Variants in SERPINB7 observed in about 807,000 individuals in gnomAD.
SERPINB7 encodes the protein serpin B7.
A neutral mutation model predicts 37.4 loss-of-function variants in SERPINB7; 31 were observed. That is an observed-to-expected ratio of 0.83 (90% confidence interval 0.62 to 1.12). The LOEUF is 1.12. Among genes scored for constraint, SERPINB7 ranks in the 50% most tolerant of loss-of-function variants. SERPINB7 has a pLI of 0.00. For missense variants in SERPINB7, 521 were observed against 455.3 expected (o/e 1.14, Z -1.31); for synonymous variants, 163 against 166.1 (o/e 0.98, Z 0.14).
At chr18:63,772,721 G>GA (rs2049218223), upstream of SERPINB7, among the ~76,000 whole-genome samples, 1 of 152,088 alleles carries the variant, frequency 6.6e-6, no homozygotes, top group East Asian at 1.9e-4. Context: ...GGTTTAACTA[G>GA]AAAAGGTAGC....
rs1193125986 is a variant in SERPINB7 at position 63,775,533 on chromosome 18, A to G, written c.-202A>G. Reference sequence around the variant, plus strand: ...CTAGAAATGCTGACTTTGGTTCATTAGGTAGTGGTAAAACAGGCTCCCTTC... The same window carrying G: ...CTAGAAATGCTGACTTTGGTTCATTGGGTAGTGGTAAAACAGGCTCCCTTC... On this transcript the variant is annotated 5_prime_UTR_variant, in exon 1 of 8. It removes the in-frame stop codon of an upstream open reading frame in the 5' UTR. Transcript: ENST00000398019. 1 of 152,186 alleles carries G rather than the reference A, an allele frequency of 6.6e-6. No individual in the cohort carries two copies. Among genetic ancestry groups the G allele is most frequent in the Non-Finnish European group, 1.5e-5 (1 of 68,030 alleles). 9.4% of individuals were successfully genotyped at this position (152,186 alleles called of 1,614,324 possible).
chr18:63,789,904 C>T (rs898252740), intron 2 of SERPINB7, among the ~76,000 whole-genome samples: 1 of 152,140 alleles, frequency 6.6e-6, no homozygotes, highest in East Asian at 1.9e-4. Context: ...TAAGAAAGCT[C>T]TTCTATAAAT....
At chr18:63,756,778 A>AAGCTAT (rs2049124187) in intron 1 of SERPINB7, among the ~76,000 whole-genome samples, 5 of 145,298 alleles carry the variant, frequency 3.4e-5, no homozygotes, top group African/African-American at 1.3e-4. Context: ...GGGTTTTGCC[A>AAGCTAT]GTTGTTTCCA....
chr18:63,800,937 A>C lies in SERPINB7; in HGVS notation c.669A>C (p.Ser223=), dbSNP rs767189489. 1.2e-6 allele frequency: 2 copies of C among 1,614,060 alleles called. No individual in the cohort carries two copies. The highest frequency in any genetic ancestry group is 2.2e-5 in the South Asian group (2 of 91,084). Residue 223 remains serine, a synonymous_variant, in exon 7 of 8, where the codon TCA becomes TCC. Coordinates refer to ENST00000398019, the MANE Select transcript of SERPINB7 (RefSeq NM_003784.4). ...KFNLSVIEDP[S]MKILELRYNG... The stretch of plus-strand genomic sequence containing the variant: ...ATTTGTCTGTTATTGAGGACCCATC[A>C]ATGAAGATTCTTGAGCTCAGATACA...
At chr18:63,764,206 C>G (rs187424191) in intron 1 of SERPINB7, among the ~76,000 whole-genome samples, 23 of 152,256 alleles carry the variant, frequency 1.5e-4, no homozygotes, top group Admixed American at 4.6e-4. Context: ...CCGTGGTTCC[C>G]AATATCTTGG....
At chr18:63,785,671 C>T (rs1289968093) in intron 2 of SERPINB7, among the ~76,000 whole-genome samples, 6 of 151,742 alleles carry the variant, frequency 4.0e-5, no homozygotes, top group East Asian at 3.9e-4. Flanking sequence ...GCTGGAAAAG[C>T]GTATTTACTG....
intron 4 of SERPINB7, among the ~76,000 whole-genome samples, chr18:63,794,164 G>A (rs1439032783): frequency 8.8e-6 from 1 of 113,922 alleles, no homozygotes; most frequent in African/African-American, 3.5e-5. Context: ...GATTTGCTAT[G>A]TTGGCCTGGC....
In SERPINB7 at chr18:63,783,230, GAGAGAAAGAA is replaced by G. The variant is rs1177987591; in HGVS notation, c.168+694_168+703del. Among the ~76,000 whole-genome samples the G allele has an allele frequency of 4.0e-3, 248 of 61,766 alleles. 1 individual carries two copies. Among genetic ancestry groups the G allele is most frequent in the Non-Finnish European group, 6.5e-3 (177 of 27,154 alleles). The allele number at this position is 61,766 out of a possible 152,430, so 40.5% of individuals were successfully genotyped here. A position where few individuals can be genotyped will look rare whatever the true frequency, so the allele number is the denominator to read the frequency against. On this transcript the variant is annotated intron_variant, in intron 2 of 7. Transcript: ENST00000398019. ...AGAGAGAGAGAGAGAGAGAGAGAGA[GAGAGAAAGAA>G]AGAAAGAAAGAAAGAAAGAAAGAAA...
chr18:63,765,813 T>C (rs919383174), intron 1 of SERPINB7, among the ~76,000 whole-genome samples: 2 of 152,178 alleles, frequency 1.3e-5, no homozygotes, highest in African/African-American at 4.8e-5. Context: ...TTTTCCTTCA[T>C]AGCACTTATT....
intron 6 of SERPINB7, among the ~76,000 whole-genome samples, chr18:63,800,061 T>C (rs1322776686): frequency 8.5e-6 from 1 of 117,922 alleles, no homozygotes; most frequent in East Asian, 5.3e-4. Flanking sequence ...AATAGCGTAT[T>C]TTTTTTTTTT....
intron 1 of SERPINB7, among the ~76,000 whole-genome samples, chr18:63,755,837 T>C (rs1387616994): frequency 6.6e-6 from 1 of 152,110 alleles, no homozygotes; most frequent in Non-Finnish European, 1.5e-5. Context: ...GAGGCAGCAA[T>C]GAGCTGTGAT....
At chr18:63,798,028 G>A (rs560641540) in intron 5 of SERPINB7, among the ~76,000 whole-genome samples, 1 of 152,364 alleles carries the variant, frequency 6.6e-6, no homozygotes, top group African/African-American at 2.4e-5. Flanking sequence ...AGACCTCTAT[G>A]TTACTGGTGG....
Position 63,800,910 on chromosome 18 carries a change from C to T in SERPINB7, c.642C>T (p.Phe214=), listed in dbSNP as rs368022993. The T allele has an allele frequency of 9.3e-6, 15 of 1,613,904 alleles. No individual in the cohort carries two copies. Among genetic ancestry groups the T allele is most frequent in the Non-Finnish European group, 1.3e-5 (15 of 1,179,856 alleles). Residue 214 remains phenylalanine, a synonymous_variant, in exon 7 of 8, where the codon TTC becomes TTT. Coordinates refer to ENST00000398019, the MANE Select transcript of SERPINB7 (RefSeq NM_003784.4). The stretch of plus-strand genomic sequence containing the variant: ...CCATGATGCATCAGGAACGGAAGTT[C>T]AATTTGTCTGTTATTGAGGACCCAT... ...AVAMMHQERK[F]NLSVIEDPSM... is the part of the protein sequence containing the mutation.
At chr18:63,793,970 G>GTCTA (rs1418973683) in intron 4 of SERPINB7, among the ~76,000 whole-genome samples, 2 of 151,902 alleles carry the variant, frequency 1.3e-5, no homozygotes, top group African/African-American at 4.8e-5. Context: ...TTTAGACAGA[G>GTCTA]TCTAGCTCTG....
chr18:63,786,144 C>CGTATATATATAT (rs1181124480), intron 2 of SERPINB7, among the ~76,000 whole-genome samples: 1 of 89,978 alleles, frequency 1.1e-5, no homozygotes, highest in Non-Finnish European at 2.5e-5. Context: ...TACATATATA[C>CGTATATATATAT]ACACACACAC....
At chr18:63,801,135 T>A in intron 7 of SERPINB7, 123 bp downstream of exon 7, 1 of 927,336 alleles carries the variant, frequency 1.1e-6, no homozygotes, top group Non-Finnish European at 1.6e-6. Flanking sequence ...ACCTGCTTAT[T>A]AATTTATTTG....
rs143266223 is a variant in SERPINB7, at chr18:63,798,677, C to T, written c.528C>T (p.Tyr176=). ...SAVMVLVNAV[Y]FKGKWQSAFT... Reference sequence around the variant, plus strand: ...TAATGGTGCTGGTGAATGCTGTGTACTTCAAAGGCAAGTGGCAATCAGCCT... The same window carrying T: ...TAATGGTGCTGGTGAATGCTGTGTATTTCAAAGGCAAGTGGCAATCAGCCT... Residue 176 remains tyrosine, a synonymous_variant, in exon 6 of 8, where the codon TAC becomes TAT. Transcript: ENST00000398019. 35 of 1,612,570 alleles carry T rather than the reference C, an allele frequency of 2.2e-5. No homozygotes were observed. In the Middle Eastern group the frequency reaches 4.9e-4, roughly 23 times the overall value.
chr18:63,775,955 C>T (rs905321488), intron 1 of SERPINB7, among the ~76,000 whole-genome samples: 17 of 152,084 alleles, frequency 1.1e-4, no homozygotes, highest in Non-Finnish European at 2.1e-4. Flanking sequence ...GGAGAGAACA[C>T]TGTGACCCGT....
chr18:63,792,097 T>G (rs1599014376), intron 2 of SERPINB7, among the ~76,000 whole-genome samples: 1 of 152,244 alleles, frequency 6.6e-6, no homozygotes. Context: ...ATGATTTAAT[T>G]GGAAGCGATA....
Sources: allele counts gnomAD v4.1 joint callset (sites outside exome capture counted in the v4.1 genomes callset), GRCh38; gene constraint gnomAD v4.1.1; transcripts MANE v1.5; gene names NCBI Gene and HGNC (gene_info 2026-07-23, HGNC 2026-07-21).